The following COL17A1 variants were observed in gnomAD, a reference collection of about 807,000 sequenced individuals.
COL17A1 encodes collagen alpha-1(XVII) chain.
In COL17A1, 181 loss-of-function variants were observed where a neutral mutation model predicts 218.4. The ratio of observed to expected loss-of-function variants is 0.83; its 90% CI spans 0.73 to 0.94. The LOEUF (loss-of-function observed/expected upper bound fraction) is 0.94, where lower values mean the gene tolerates loss of function less well. Among genes scored for constraint, COL17A1 ranks in the 40% least tolerant of loss-of-function variants. The pLI, the probability that COL17A1 is intolerant of heterozygous loss-of-function variation, is 0.00. For missense variants in COL17A1, 1,924 were observed against 1,945.9 expected (o/e 0.99, Z 0.21); for synonymous variants, 721 against 731.0 (o/e 0.99, Z 0.22).
intron 28 of COL17A1, 27 bp from the exon 29 acceptor site, chr10:104,049,498 T>C: frequency 6.2e-7 from 1 of 1,613,032 alleles, no homozygotes; most frequent in Non-Finnish European, 8.5e-7. Flanking sequence ...ACTAGCTGGT[T>C]GGACACTTGC....
Position 104,059,634 on chromosome 10 carries a change from T to C in COL17A1, c.1222+4A>G, listed in dbSNP as rs1026862210. ...AGGTGGACAACAATCATATTTGTTC[T>C]TACCATTAGCTTCGGCTTTTAGGCC... is the stretch of plus-strand genomic sequence containing the variant. On this transcript the variant is annotated splice_donor_region_variant and intron_variant, in intron 15 of 55. Coordinates refer to ENST00000648076, the MANE Select transcript of COL17A1 (RefSeq NM_000494.4). The C allele has an allele frequency of 1.2e-6, 2 of 1,613,612 alleles. No homozygotes were observed. The highest frequency in any genetic ancestry group is 2.2e-5 in the East Asian group (1 of 44,906).
chr10:104,035,458 C>A lies in COL17A1; in HGVS notation c.3508+16G>T, dbSNP rs1167247852. Reference sequence around the variant, plus strand: ...CTCCCCAACCAGTTGGACAGATGTCCCCTGCTGGGCCTTACCTCGCAGCAA... The same window carrying A: ...CTCCCCAACCAGTTGGACAGATGTCACCTGCTGGGCCTTACCTCGCAGCAA... On this transcript the variant is annotated intron_variant, in intron 49 of 55. Transcript: ENST00000648076. 3 of 1,613,966 alleles carry A rather than the reference C, an allele frequency of 1.9e-6. No individual in the cohort carries two copies. Among genetic ancestry groups the A allele is most frequent in the Non-Finnish European group, 2.5e-6 (3 of 1,179,924 alleles).
chr10:104,051,031 C>A, intron 25 of COL17A1, 130 bp from the exon 26 acceptor site: 1 of 1,499,352 alleles, frequency 6.7e-7, no homozygotes, highest in Non-Finnish European at 9.1e-7. Flanking sequence ...TCAAAGGATG[C>A]TTTCCATGGA....
chr10:104,037,394 T>G (rs2086311104), intron 46 of COL17A1, among the ~76,000 whole-genome samples: 1 of 151,900 alleles, frequency 6.6e-6, no homozygotes, highest in South Asian at 2.1e-4. Context: ...GAACCTATAA[T>G]TAGGAACACA....
intron 22 of COL17A1, 78 bp from the exon 23 acceptor site, chr10:104,053,213 A>G: frequency 6.5e-7 from 1 of 1,537,542 alleles, no homozygotes; most frequent in South Asian, 1.1e-5. Flanking sequence ...CTCCCACGGC[A>G]GACGCTTGCC....
At chr10:104,055,455 C>CACACAG (rs2086512859) in intron 18 of COL17A1, 54 bp from the exon 19 acceptor site, 1 of 1,465,528 alleles carries the variant, frequency 6.8e-7, no homozygotes, top group African/African-American at 1.4e-5. Context: ...CACACACACA[C>CACACAG]ACACACACAC....
intron 17 of COL17A1, 89 bp from the exon 18 acceptor site, chr10:104,056,092 G>T: frequency 6.7e-7 from 1 of 1,483,794 alleles, no homozygotes; most frequent in Non-Finnish European, 9.4e-7. Context: ...TGACACAAGG[G>T]ATTGGGGCCT....
In COL17A1 at chr10:104,050,109, T is replaced by C. The variant is rs528258207; in HGVS notation, c.2144A>G (p.Lys715Arg). The C allele has an allele frequency of 6.2e-7, 1 of 1,614,126 alleles. No individual in the cohort carries two copies. Among genetic ancestry groups the C allele is most frequent in the Admixed American group, 1.7e-5 (1 of 60,018 alleles). Residue 715 changes from lysine (K) to arginine (R), a missense_variant, in exon 28 of 56, where the codon AAA (lysine) becomes AGA (arginine). Physicochemically the swap from Lys to Arg is conservative, Grantham distance 26. Coordinates refer to ENST00000648076, the MANE Select transcript of COL17A1 (RefSeq NM_000494.4). ...PPGPKGDQGE[K>R]GPRGLTGEPG... The stretch of plus-strand genomic sequence containing the variant: ...CTGACCTGTGAGGCCTCGAGGTCCT[T>C]TCTCACCCTGGTCACCTAAAGCAAA...
intron 16 of COL17A1, among the ~76,000 whole-genome samples, 168 bp downstream of exon 16, chr10:104,057,978 C>G (rs1034088859): frequency 6.6e-6 from 1 of 152,224 alleles, no homozygotes; most frequent in Non-Finnish European, 1.5e-5. Context: ...CAGCCTGCCA[C>G]TCCCCTGACC....
At chr10:104,083,825 T>C (rs1293676086) in intron 1 of COL17A1, among the ~76,000 whole-genome samples, 2 of 152,264 alleles carry the variant, frequency 1.3e-5, no homozygotes, top group South Asian at 4.1e-4. Flanking sequence ...TTTTTCTCTT[T>C]ATTTTTTGTT....
rs749613805 is a variant in COL17A1 at position 104,032,262 on chromosome 10, CCTT to C, written c.4464_4466del (p.Arg1491del). 30 of 1,613,938 alleles carry C rather than the reference CCTT, an allele frequency of 1.9e-5. No homozygotes were observed. Among genetic ancestry groups the C allele is most frequent in the Non-Finnish European group, 2.3e-5 (27 of 1,179,940 alleles). On this transcript the variant is annotated inframe_deletion, in exon 56 of 56. Coordinates refer to ENST00000648076, the MANE Select transcript of COL17A1 (RefSeq NM_000494.4). ...ACGGCTTGACAGCAATACTTCTTCT[CCTT>C]CTCCGCCCAGCATAGACTTGGTCAC...
chr10:104,033,206 C>G (rs780465480), intron 53 of COL17A1, 32 bp downstream of exon 53: 2 of 1,571,200 alleles, frequency 1.3e-6, no homozygotes, highest in African/African-American at 1.3e-5. Flanking sequence ...TGCAGTGAGG[C>G]AGGTGCTGGG....
At position 104,033,001 on chromosome 10, in the gene COL17A1, C is replaced by T. The variant is rs144093737; in HGVS notation, c.4295-33G>A. ...AGCAAGGAAACACTGGCCTTAGAGT[C>T]TTGATCACCTGGAAGCTTGGGACAT... On this transcript the variant is annotated intron_variant, in intron 53 of 55. Transcript: ENST00000648076. The T allele has an allele frequency of 5.0e-4, 811 of 1,607,602 alleles. 18 individuals are homozygous for T. The East Asian group carries it at 0.018, about 36-fold the overall frequency.
chr10:104,078,225 C>T lies in COL17A1; in HGVS notation c.97+317G>A, dbSNP rs79676532. 3.0e-3 allele frequency among the ~76,000 whole-genome samples: 464 copies of T among 152,228 alleles called. 13 individuals carry two copies. The East Asian group carries it at 0.07, about 23-fold the overall frequency. ...TCTGGAATAGGCAAATCTACAGAGA[C>T]AGTAGATTTGTGGTTTCCAGGGGCT... On this transcript the variant is annotated intron_variant, in intron 3 of 55. Coordinates refer to ENST00000648076, the MANE Select transcript of COL17A1 (RefSeq NM_000494.4).
chr10:104,032,948 G>T lies in COL17A1; in HGVS notation c.4315C>A (p.Pro1439Thr), dbSNP rs770139408. 8 of 1,614,036 alleles carry T rather than the reference G, an allele frequency of 5.0e-6. No homozygotes were observed. The highest frequency in any genetic ancestry group is 1.6e-4 in the Middle Eastern group (1 of 6,062). Residue 1439 changes from proline (P) to threonine (T), a missense_variant, in exon 54 of 56, where the codon CCC becomes ACC. Coordinates refer to ENST00000648076, the MANE Select transcript of COL17A1 (RefSeq NM_000494.4). ...CCCATCTCTCCTTTTTGCCCAGGGG[G>T]TCCTTGAATGGCTCCATAAGCTGCA... ...FFQTYGAIQG[P>T]PGQKGEMGTP...
chr10:104,057,225 C>T (rs1448394415), intron 16 of COL17A1, 53 bp from the exon 17 acceptor site: 1 of 1,613,134 alleles, frequency 6.2e-7, no homozygotes, highest in Non-Finnish European at 8.5e-7. Flanking sequence ...CTGCCTTTTC[C>T]CTCCAGATTC....
At position 104,031,973 on chromosome 10, in the gene COL17A1, A is replaced by C. The variant is rs1473123012; in HGVS notation, c.*262T>G. The stretch of plus-strand genomic sequence containing the variant: ...TAAAGAAGCCAAGGAGTTCAGATCT[A>C]GATAGCAGAGAAGTAAGTCTCATTC... On this transcript the variant is annotated 3_prime_UTR_variant, in exon 56 of 56. Transcript: ENST00000648076. 1 of 568,610 alleles carries C rather than the reference A, an allele frequency of 1.8e-6. No individual in the cohort carries two copies. The highest frequency in any genetic ancestry group is 1.9e-5 in the African/African-American group (1 of 53,216). 35.2% of individuals were successfully genotyped at this position (568,610 alleles called of 1,614,324 possible). A position where few individuals can be genotyped will look rare whatever the true frequency, so the allele number is the denominator to read the frequency against.
At chr10:104,054,859 C>G in intron 20 of COL17A1, 122 bp downstream of exon 20, 1 of 1,476,936 alleles carries the variant, frequency 6.8e-7, no homozygotes, top group African/African-American at 1.4e-5. Context: ...CCTCACACAC[C>G]TGTCCCATCT....
rs1177079121 is a variant in COL17A1, at chr10:104,048,077, C to G, written c.2255G>C (p.Gly752Ala). The G allele has an allele frequency of 6.2e-7, 1 of 1,614,042 alleles. No individual in the cohort carries two copies. The highest frequency in any genetic ancestry group is 1.1e-5 in the South Asian group (1 of 91,084). ...MGPAGPDGHQ[G>A]PRGEQGLTGM... ...GCAGATGAGTGACCAACCTCTTGGG[C>G]CTTGGTGTCCGTCTGGGCCAGCAGG... Residue 752 changes from glycine (G) to alanine (A), a missense_variant, in exon 30 of 56, where the codon GGC becomes GCC. By Grantham distance (60) the Gly-to-Ala change is moderately conservative. Transcript: ENST00000648076.
Sources: gnomAD v4.1 joint callset for allele counts (sites outside exome capture counted in the v4.1 genomes callset) on GRCh38, gnomAD v4.1.1 for gene constraint, MANE v1.5 for transcripts, NCBI Gene and HGNC (gene_info 2026-07-23, HGNC 2026-07-21) for gene names.